The following SNX16 variants were observed in gnomAD, a reference collection of about 807,000 sequenced individuals.
SNX16 encodes sorting nexin 16.
SNX16 carries 35 observed loss-of-function variants against 36.7 expected under a neutral mutation model. That is an observed-to-expected ratio of 0.95 (90% CI 0.73 to 1.27). SNX16 has a LOEUF of 1.27. Ranked by LOEUF, SNX16 falls within the 50% of genes most tolerant of loss-of-function variation. The pLI is 0.00. For synonymous variants in SNX16, 134 were observed against 132.0 expected (o/e 1.02, Z -0.10); for missense variants, 367 against 393.6 (o/e 0.93, Z 0.57).
At chr8:81,814,872 A>T (rs1303559939) in intron 5 of SNX16, 1 of 152,306 alleles carries the variant, frequency 6.6e-6, no homozygotes, top group Non-Finnish European at 1.5e-5. Context: ...AGGACACTTT[A>T]ACACGTCAAT....
intron 7 of SNX16, 33 bp downstream of exon 7, chr8:81,802,347 G>T (rs369416974): frequency 1.7e-5 from 26 of 1,548,872 alleles, no homozygotes; most frequent in Middle Eastern, 1.7e-4. Context: ...AATTATTCAA[G>T]AATTAAGCTA....
At chr8:81,826,133 G>C (rs1422483266) in intron 3 of SNX16, among the ~76,000 whole-genome samples, 1 of 151,620 alleles carries the variant, frequency 6.6e-6, no homozygotes, top group African/African-American at 2.4e-5. Flanking sequence ...CAACAAAGGA[G>C]AGAAATGAAA....
chr8:81,842,012 C>T (rs1811816650), intron 1 of SNX16, 110 bp downstream of exon 1: 1 of 152,104 alleles, frequency 6.6e-6, no homozygotes, highest in South Asian at 2.1e-4. Flanking sequence ...CGCCTCTCCA[C>T]TCTCCCGCGG....
chr8:81,838,004 A>G (rs1351070156), intron 2 of SNX16, among the ~76,000 whole-genome samples: 2 of 152,236 alleles, frequency 1.3e-5, no homozygotes, highest in Non-Finnish European at 1.5e-5. Flanking sequence ...TACTAAAAGA[A>G]CAAAGTCTTA....
At chr8:81,814,579 C>CA (rs1321281944) in intron 5 of SNX16, 1 of 151,642 alleles carries the variant, frequency 6.6e-6, no homozygotes, top group East Asian at 1.9e-4. Context: ...TATAAATTTC[C>CA]AAAAAAGTAT....
intron 4 of SNX16, among the ~76,000 whole-genome samples, chr8:81,823,323 C>T (rs1810860726): frequency 1.3e-5 from 2 of 151,832 alleles, no homozygotes; most frequent in Non-Finnish European, 2.9e-5. Context: ...CTGTTCTTTT[C>T]CTTTTTTAAT....
chr8:81,816,303 C>A (rs774478), intron 4 of SNX16, among the ~76,000 whole-genome samples: 56,143 of 151,196 alleles, frequency 0.37, 10,948 homozygotes, highest in Non-Finnish European at 0.42. Flanking sequence ...GATTCTCCTG[C>A]GTCAGCCTCC....
intron 3 of SNX16, among the ~76,000 whole-genome samples, chr8:81,828,906 A>G (rs554844354): frequency 5.3e-5 from 8 of 152,332 alleles, no homozygotes; most frequent in Admixed American, 5.2e-4. Context: ...CTACAACTTC[A>G]AGAAACTAAA....
chr8:81,809,453 C>T (rs2130621588), intron 5 of SNX16, among the ~76,000 whole-genome samples: 1 of 148,870 alleles, frequency 6.7e-6, no homozygotes, highest in African/African-American at 2.4e-5. Flanking sequence ...AAAAAAAAGA[C>T]CTGAGTGTGA....
At chr8:81,816,479 C>T (rs1810501872) in intron 4 of SNX16, among the ~76,000 whole-genome samples, 4 of 151,870 alleles carry the variant, frequency 2.6e-5, no homozygotes, top group Admixed American at 2.6e-4. Flanking sequence ...CACGAACCAC[C>T]GCGACCGCAC....
chr8:81,836,983 TTTGTAG>T (rs1811521065), intron 2 of SNX16, among the ~76,000 whole-genome samples: 1 of 152,222 alleles, frequency 6.6e-6, no homozygotes, highest in South Asian at 2.1e-4. Context: ...CACAAGGATC[TTTGTAG>T]TTGTCCCATC....
Position 81,807,848 on chromosome 8 carries a change from T to C in SNX16, c.682-4620A>G, listed in dbSNP as rs185602447. 1,128 of 764,440 alleles carry C rather than the reference T, an allele frequency of 1.5e-3. 4 individuals are homozygous for C. The highest frequency in any genetic ancestry group is 6.6e-3 in the Middle Eastern group (18 of 2,732). The allele number at this position is 764,440 out of a possible 1,614,324, so 47.4% of individuals were successfully genotyped here. On this transcript the variant is annotated intron_variant, in intron 5 of 7. Transcript: ENST00000345957. ...ACTGGAAGGTTGAGTTTTGAAACAATTGATGAGAGCCTGAGGAGCCATTTT... is the reference window on the plus strand; with the variant it reads ...ACTGGAAGGTTGAGTTTTGAAACAACTGATGAGAGCCTGAGGAGCCATTTT...
At position 81,825,856 on chromosome 8, in the gene SNX16, T is replaced by C. The variant is rs140886984; in HGVS notation, c.463-1916A>G. Among the ~76,000 whole-genome samples, 721 of 152,254 alleles carry C rather than the reference T, an allele frequency of 4.7e-3. 2 individuals carry two copies. Among genetic ancestry groups the C allele is most frequent in the Middle Eastern group, 0.014 (4 of 294 alleles). ...TTAGATAACTAAAACCTTAATTTGA[T>C]TTCAAGATGTAATTAGATATTTATG... On this transcript the variant is annotated intron_variant, in intron 3 of 7. Transcript: ENST00000345957.
At chr8:81,809,920 T>TG (rs1348708685) in intron 5 of SNX16, among the ~76,000 whole-genome samples, 5 of 152,174 alleles carry the variant, frequency 3.3e-5, no homozygotes, top group African/African-American at 1.2e-4. Context: ...GAATGGAGAC[T>TG]GTCCTTAGAA....
chr8:81,841,828 G>A (rs896108878), intron 1 of SNX16: 2 of 152,172 alleles, frequency 1.3e-5, no homozygotes, highest in African/African-American at 2.4e-5. Context: ...TTCGACCCTC[G>A]GAAGGTAAGG....
intron 4 of SNX16, among the ~76,000 whole-genome samples, chr8:81,821,350 AAT>A (rs1488997079): frequency 6.6e-6 from 1 of 151,994 alleles, no homozygotes; most frequent in Non-Finnish European, 1.5e-5. Flanking sequence ...GTATTTTAAA[AAT>A]AGAGAATTCA....
intron 5 of SNX16, among the ~76,000 whole-genome samples, chr8:81,804,721 A>C (rs1387859892): frequency 1.3e-5 from 2 of 152,098 alleles, no homozygotes; most frequent in African/African-American, 2.4e-5. Flanking sequence ...TAAAATACAA[A>C]AGTAGAAACA....
In SNX16 at chr8:81,829,454, A is replaced by G; in HGVS notation, c.438T>C (p.Thr146=). The G allele has an allele frequency of 3.5e-6, 5 of 1,425,400 alleles. No individual in the cohort carries two copies. The highest frequency in any genetic ancestry group is 4.6e-6 in the Non-Finnish European group (5 of 1,085,642). 88.3% of individuals were successfully genotyped at this position (1,425,400 alleles called of 1,614,324 possible). A position where few individuals can be genotyped will look rare whatever the true frequency, so the allele number is the denominator to read the frequency against. The change falls in exon 3 of 8, where the codon ACT becomes ACC. Residue 146 remains threonine (T), a synonymous_variant. Transcript: ENST00000345957. ...EESWVVFRRY[T]DFSRLNDKLK... is the part of the protein sequence containing the mutation. ...CTTTGTCATTAAGCCTAGAGAAGTC[A>G]GTGTATCTTCTGAAAACTACCCAGC...
At chr8:81,809,138 A>G (rs1325735513) in intron 5 of SNX16, among the ~76,000 whole-genome samples, 2 of 152,254 alleles carry the variant, frequency 1.3e-5, no homozygotes, top group Middle Eastern at 3.4e-3. Flanking sequence ...TGAAGTTAGA[A>G]TTCCTTCAGA....
Sources: gnomAD v4.1 joint callset for allele counts (sites outside exome capture counted in the v4.1 genomes callset) on GRCh38, gnomAD v4.1.1 for gene constraint, MANE v1.5 for transcripts, NCBI Gene and HGNC (gene_info 2026-07-23, HGNC 2026-07-21) for gene names.